Variants in SNAP91 observed in about 807,000 individuals in gnomAD.
SNAP91 encodes the protein clathrin coat assembly protein AP180.
Under a neutral mutation model 100.3 loss-of-function variants are expected in SNAP91, and 27 were observed. The observed-to-expected ratio is 0.27, with a 90% confidence interval of 0.20 to 0.37. SNAP91 has a LOEUF of 0.37. SNAP91 is among the 10% of genes least tolerant of loss of function. SNAP91 has a pLI of 1.00. For synonymous variants in SNAP91, 404 were observed against 398.6 expected (o/e 1.01, Z -0.16); for missense variants, 986 against 1,123.7 (o/e 0.88, Z 1.75).
intron 9 of SNAP91, among the ~76,000 whole-genome samples, chr6:83,618,818 A>G (rs775790087): frequency 2.0e-5 from 3 of 151,994 alleles, no homozygotes; most frequent in Non-Finnish European, 4.4e-5. Flanking sequence ...TTCCAGTTAG[A>G]AAACTTAAGA....
intron 7 of SNAP91, among the ~76,000 whole-genome samples, chr6:83,650,465 C>A (rs2098150745): frequency 6.6e-6 from 1 of 152,150 alleles, no homozygotes; most frequent in Non-Finnish European, 1.5e-5. Flanking sequence ...GTTGCCCAGG[C>A]TGGAGTGCAG....
intron 16 of SNAP91, among the ~76,000 whole-genome samples, chr6:83,596,887 C>T (rs931108697): frequency 1.3e-5 from 2 of 152,022 alleles, no homozygotes; most frequent in African/African-American, 2.4e-5. Context: ...ATGAAATATG[C>T]CTCATTCTAT....
intron 2 of SNAP91, chr6:83,686,270 T>C (rs2099059196): frequency 1.2e-6 from 1 of 824,900 alleles, no homozygotes; most frequent in Non-Finnish European, 1.5e-6. Context: ...TAATAGTTGG[T>C]TACTCAGTTA....
intron 16 of SNAP91, among the ~76,000 whole-genome samples, chr6:83,598,558 A>T (rs115421029): frequency 4.5e-4 from 69 of 152,318 alleles, no homozygotes; most frequent in African/African-American, 1.6e-3. Flanking sequence ...CTTTATTTCT[A>T]AAGAAATCTA....
At chr6:83,578,529 T>G (rs1823123015) in intron 24 of SNAP91, among the ~76,000 whole-genome samples, 1 of 152,192 alleles carries the variant, frequency 6.6e-6, no homozygotes, top group Non-Finnish European at 1.5e-5. Flanking sequence ...ATAGGGTGCT[T>G]GGGTCAAAAG....
chr6:83,559,684 T>C (rs772519903), intron 28 of SNAP91, among the ~76,000 whole-genome samples: 1 of 128,488 alleles, frequency 7.8e-6, no homozygotes, highest in Non-Finnish European at 1.7e-5. Flanking sequence ...CTCACAGACT[T>C]TGCAGTTTGG....
intron 11 of SNAP91, among the ~76,000 whole-genome samples, chr6:83,612,424 C>G (rs1485237346): frequency 6.6e-6 from 1 of 152,060 alleles, no homozygotes; most frequent in African/African-American, 2.4e-5. Flanking sequence ...AATAAAAATT[C>G]AAGAAAATAG....
chr6:83,600,893 C>T (rs1471717870), intron 16 of SNAP91, among the ~76,000 whole-genome samples: 1 of 152,146 alleles, frequency 6.6e-6, no homozygotes, highest in Non-Finnish European at 1.5e-5. Flanking sequence ...CCCAAATATT[C>T]TCTGGGCTAG....
intron 8 of SNAP91, among the ~76,000 whole-genome samples, chr6:83,634,107 TA>T (rs1299595248): frequency 7.2e-5 from 11 of 152,018 alleles, no homozygotes; most frequent in Non-Finnish European, 1.5e-4. Context: ...ATAATAATAA[TA>T]AAATTAAAAA....
At chr6:83,637,142 G>A (rs2097491243) in intron 8 of SNAP91, among the ~76,000 whole-genome samples, 1 of 152,200 alleles carries the variant, frequency 6.6e-6, no homozygotes, top group Non-Finnish European at 1.5e-5. Context: ...CTCTGGGGAG[G>A]GGAGGCAGGG....
At chr6:83,660,220 A>G (rs1015997003) in intron 5 of SNAP91, among the ~76,000 whole-genome samples, 5 of 152,206 alleles carry the variant, frequency 3.3e-5, no homozygotes, top group African/African-American at 1.2e-4. Flanking sequence ...TGGGAACATC[A>G]GCAATGGTTG....
At chr6:83,687,880 A>G (rs2099081438) in intron 2 of SNAP91, among the ~76,000 whole-genome samples, 1 of 152,162 alleles carries the variant, frequency 6.6e-6, no homozygotes. Context: ...AAAGGAGTCA[A>G]GCAACTTCAA....
intron 8 of SNAP91, among the ~76,000 whole-genome samples, chr6:83,634,188 G>A (rs905053778): frequency 6.6e-6 from 1 of 152,072 alleles, no homozygotes; most frequent in African/African-American, 2.4e-5. Flanking sequence ...TCTGGCCACC[G>A]TCCTGAAGGA....
At chr6:83,686,242 T>C (rs750428204) in intron 2 of SNAP91, 3 of 963,494 alleles carry the variant, frequency 3.1e-6, no homozygotes, top group Non-Finnish European at 2.5e-6. Flanking sequence ...CATACGAAAT[T>C]AGATGAACCC....
At chr6:83,627,961 A>G (rs1397692459) in intron 8 of SNAP91, among the ~76,000 whole-genome samples, 1 of 151,658 alleles carries the variant, frequency 6.6e-6, no homozygotes, top group Non-Finnish European at 1.5e-5. Flanking sequence ...TCACCATAGT[A>G]GTGTACACTG....
At chr6:83,638,896 G>A (rs1336593850) in intron 8 of SNAP91, among the ~76,000 whole-genome samples, 1 of 152,112 alleles carries the variant, frequency 6.6e-6, no homozygotes, top group Non-Finnish European at 1.5e-5. Flanking sequence ...GAATAACTTG[G>A]TTCTATGAAA....
chr6:83,568,681 C>T (rs1389062366), intron 26 of SNAP91, among the ~76,000 whole-genome samples: 2 of 152,028 alleles, frequency 1.3e-5, no homozygotes, highest in Non-Finnish European at 2.9e-5. Flanking sequence ...GTTATAGCTA[C>T]ACCTCTAAGA....
intron 9 of SNAP91, among the ~76,000 whole-genome samples, chr6:83,620,389 T>C (rs575061732): frequency 2.0e-5 from 3 of 152,200 alleles, no homozygotes; most frequent in South Asian, 2.1e-4. Flanking sequence ...CTTAGAAGAG[T>C]AGAACCGAAT....
At chr6:83,620,916 C>T (rs1216507223) in intron 9 of SNAP91, among the ~76,000 whole-genome samples, 3 of 151,514 alleles carry the variant, frequency 2.0e-5, no homozygotes, top group Non-Finnish European at 4.4e-5. Flanking sequence ...GGGGTTTCAC[C>T]GTGGTCTCGA....
Sources: gnomAD v4.1 joint callset for allele counts (sites outside exome capture counted in the v4.1 genomes callset) on GRCh38, gnomAD v4.1.1 for gene constraint, MANE v1.5 for transcripts, NCBI Gene and HGNC (gene_info 2026-07-23, HGNC 2026-07-21) for gene names.